Variants in TMEM11 observed in about 807,000 individuals in gnomAD.
TMEM11 encodes the protein transmembrane protein 11, also known as transmembrane protein 11, mitochondrial.
A neutral mutation model predicts 17.0 loss-of-function variants in TMEM11; 1 was observed. The ratio of observed to expected loss-of-function variants is 0.06; its 90% CI spans 0.02 to 0.28. The LOEUF is 0.28. Ranked by LOEUF, TMEM11 falls within the 10% of genes least tolerant of loss-of-function variation. The pLI, the probability that TMEM11 is intolerant of heterozygous loss-of-function variation, is 1.00. For synonymous variants in TMEM11, 122 were observed against 118.1 expected, an observed-to-expected ratio of 1.03 and a Z score of -0.21; for missense variants, 172 against 252.9, an observed-to-expected ratio of 0.68 and a Z score of 2.17.
At chr17:21,201,115 A>C (rs1597769278) in intron 1 of TMEM11, among the ~76,000 whole-genome samples, 1 of 152,248 alleles carries the variant, frequency 6.6e-6, no homozygotes, top group East Asian at 1.9e-4. Context: ...GCAGGGTTGC[A>C]TTCTGGTTGG....
intron 1 of TMEM11, among the ~76,000 whole-genome samples, chr17:21,202,235 AC>A (rs1243517522): frequency 3.3e-5 from 5 of 152,170 alleles, no homozygotes; most frequent in Non-Finnish European, 4.4e-5. Context: ...CAATCTTGAG[AC>A]GGAAATGGAG....
At chr17:21,200,560 G>C (rs1050716208) in intron 1 of TMEM11, among the ~76,000 whole-genome samples, 19 of 152,278 alleles carry the variant, frequency 1.2e-4, no homozygotes, top group African/African-American at 4.6e-4. Flanking sequence ...AGGATGGTCG[G>C]ACCCATCTGA....
intron 1 of TMEM11, among the ~76,000 whole-genome samples, chr17:21,200,109 C>G (rs1030477978): frequency 6.6e-6 from 1 of 152,226 alleles, no homozygotes; most frequent in Non-Finnish European, 1.5e-5. Flanking sequence ...CCACACGGAA[C>G]GCTCAGCTCT....
chr17:21,205,121 AG>A (rs956467873), intron 1 of TMEM11, among the ~76,000 whole-genome samples: 8 of 152,142 alleles, frequency 5.3e-5, no homozygotes, highest in Non-Finnish European at 1.0e-4. Flanking sequence ...AGGCGGCCAC[AG>A]TGAAAACTCA....
At chr17:21,201,215 T>C (rs1974879911) in intron 1 of TMEM11, among the ~76,000 whole-genome samples, 1 of 152,230 alleles carries the variant, frequency 6.6e-6, no homozygotes, top group African/African-American at 2.4e-5. Flanking sequence ...ATGGGGACCC[T>C]AACCCCGCCC....
At chr17:21,209,308 C>T (rs948217299) in intron 1 of TMEM11, among the ~76,000 whole-genome samples, 2 of 152,226 alleles carry the variant, frequency 1.3e-5, no homozygotes, top group Non-Finnish European at 2.9e-5. Context: ...GGGCAAAACA[C>T]CCGGCCCCTC....
At chr17:21,211,892 T>A (rs1975006727) in intron 1 of TMEM11, among the ~76,000 whole-genome samples, 1 of 152,192 alleles carries the variant, frequency 6.6e-6, no homozygotes, top group Non-Finnish European at 1.5e-5. Flanking sequence ...TAGAGAGCCA[T>A]AAACAGCCTA....
At chr17:21,208,628 A>C (rs562148997) in intron 1 of TMEM11, 3 of 152,406 alleles carry the variant, frequency 2.0e-5, no homozygotes, top group Admixed American at 2.0e-4. Flanking sequence ...TCACCTTCCC[A>C]GTTCTGAGAG....
At chr17:21,207,652 C>T (rs1279823807) in intron 1 of TMEM11, among the ~76,000 whole-genome samples, 1 of 152,074 alleles carries the variant, frequency 6.6e-6, no homozygotes, top group Non-Finnish European at 1.5e-5. Flanking sequence ...CTTTGGGAGG[C>T]CGAGGCGGGC....
intron 1 of TMEM11, among the ~76,000 whole-genome samples, chr17:21,207,836 CAAG>C (rs1466450633): frequency 6.6e-6 from 1 of 151,056 alleles, no homozygotes; most frequent in Non-Finnish European, 1.5e-5. Flanking sequence ...TGCAGTGAGC[CAAG>C]ATCACACCAC....
At chr17:21,200,253 C>T (rs1055346360) in intron 1 of TMEM11, among the ~76,000 whole-genome samples, 1 of 152,254 alleles carries the variant, frequency 6.6e-6, no homozygotes, top group African/African-American at 2.4e-5. Flanking sequence ...GAATCTTCTT[C>T]ACCTGTGGCG....
At chr17:21,208,120 G>A (rs1289713869) in intron 1 of TMEM11, among the ~76,000 whole-genome samples, 1 of 151,152 alleles carries the variant, frequency 6.6e-6, no homozygotes, top group Non-Finnish European at 1.5e-5. Context: ...AGCCTCCAGA[G>A]TAGCTGGGAC....
At chr17:21,200,167 G>A (rs913857729) in intron 1 of TMEM11, among the ~76,000 whole-genome samples, 1 of 152,230 alleles carries the variant, frequency 6.6e-6, no homozygotes, top group Non-Finnish European at 1.5e-5. Flanking sequence ...CAGTGACCGT[G>A]GGCCAAGCTG....
chr17:21,206,693 C>T (rs986870939), intron 1 of TMEM11, among the ~76,000 whole-genome samples: 42 of 152,064 alleles, frequency 2.8e-4, no homozygotes, highest in African/African-American at 8.2e-4. Context: ...CGTGCCACAA[C>T]GCCCAGCTAA....
At chr17:21,199,220 G>A (rs533373965) in intron 1 of TMEM11, among the ~76,000 whole-genome samples, 1 of 151,262 alleles carries the variant, frequency 6.6e-6, no homozygotes, top group Non-Finnish European at 1.5e-5. Context: ...TAATCTACTC[G>A]GGAGGCTGAG....
intron 1 of TMEM11, among the ~76,000 whole-genome samples, chr17:21,201,003 C>T (rs181549556): frequency 6.6e-5 from 10 of 152,300 alleles, no homozygotes; most frequent in Admixed American, 3.9e-4. Flanking sequence ...ATCGGACTGT[C>T]GGGAAACTTC....
At chr17:21,205,883 T>C (rs1158189465) in intron 1 of TMEM11, among the ~76,000 whole-genome samples, 1 of 152,114 alleles carries the variant, frequency 6.6e-6, no homozygotes, top group African/African-American at 2.4e-5. Flanking sequence ...TGTATCCGAA[T>C]TTTCTTCCTT....
intron 1 of TMEM11, among the ~76,000 whole-genome samples, chr17:21,209,218 A>G (rs900327275): frequency 3.3e-5 from 5 of 152,240 alleles, no homozygotes; most frequent in Non-Finnish European, 7.3e-5. Context: ...TCTGGGGAGC[A>G]GGAACACGGC....
chr17:21,213,776 A>T, intron 1 of TMEM11: 2 of 353,176 alleles, frequency 5.7e-6, no homozygotes, highest in Admixed American at 4.6e-5. Context: ...GCGGGCAGCT[A>T]GGCGGGTCCC....
Sources: gnomAD v4.1 joint callset for allele counts (sites outside exome capture counted in the v4.1 genomes callset) on GRCh38, gnomAD v4.1.1 for gene constraint, MANE v1.5 for transcripts, NCBI Gene and HGNC (gene_info 2026-07-23, HGNC 2026-07-21) for gene names.